The following PTDSS2 variants were observed in gnomAD, a reference collection of about 807,000 sequenced individuals.
PTDSS2 encodes phosphatidylserine synthase 2.
PTDSS2 carries 41 observed loss-of-function variants against 64.7 expected under a neutral mutation model. The observed-to-expected ratio is 0.63, with a 90% CI of 0.49 to 0.82. The LOEUF (loss-of-function observed/expected upper bound fraction) is 0.82. Among genes scored for constraint, PTDSS2 ranks in the 40% least tolerant of loss-of-function variants. The probability of loss-of-function intolerance (pLI) is 0.00; values close to 1 mark genes in which losing one functional copy is unlikely to be tolerated. For missense variants in PTDSS2, 485 were observed against 650.0 expected, an observed-to-expected ratio of 0.75 and a Z score of 2.76; for synonymous variants, 297 against 277.8, an observed-to-expected ratio of 1.07 and a Z score of -0.69.
At chr11:464,452 G>A (rs370596049) in intron 2 of PTDSS2, among the ~76,000 whole-genome samples, 8 of 151,940 alleles carry the variant, frequency 5.3e-5, no homozygotes, top group Non-Finnish European at 7.4e-5. Flanking sequence ...GCCTCACCCC[G>A]GCTCGGGCAG....
intron 4 of PTDSS2, among the ~76,000 whole-genome samples, chr11:484,628 CAG>C (rs1296636237): frequency 1.4e-5 from 2 of 144,768 alleles, no homozygotes; most frequent in African/African-American, 5.2e-5. Flanking sequence ...CATCTGTAAA[CAG>C]TGCATGGGCA....
At position 489,719 on chromosome 11, in the gene PTDSS2, C is replaced by T. The variant is rs1821516999; in HGVS notation, c.1101C>T (p.Asp367=). ...VGGVAMREIY[D]FMDDPKPHKK... ...GCGTGGCCATGCGTGAGATCTACGACTTCATGGATGACCCGTGAGGGCTGC... is the reference window on the plus strand; with the variant it reads ...GCGTGGCCATGCGTGAGATCTACGATTTCATGGATGACCCGTGAGGGCTGC... Residue 367 remains aspartate, a synonymous_variant, in exon 10 of 12, where the codon GAC becomes GAT. Transcript: ENST00000308020. 1.2e-6 allele frequency: 2 copies of T among 1,609,092 alleles called. No individual in the cohort carries two copies. The highest frequency in any genetic ancestry group is 2.7e-5 in the African/African-American group (2 of 74,996).
At chr11:457,586 C>G (rs1473313400) in intron 1 of PTDSS2, among the ~76,000 whole-genome samples, 3 of 152,206 alleles carry the variant, frequency 2.0e-5, no homozygotes, top group Non-Finnish European at 4.4e-5. Flanking sequence ...GCAGCACATT[C>G]CTCTGAGTGC....
At chr11:481,335 T>A (rs1188418142) in intron 4 of PTDSS2, among the ~76,000 whole-genome samples, 1 of 152,198 alleles carries the variant, frequency 6.6e-6, no homozygotes, top group Admixed American at 6.5e-5. Context: ...ATCATCTGGG[T>A]CTCTTGCGTT....
chr11:473,469 G>C (rs928313342), intron 2 of PTDSS2, among the ~76,000 whole-genome samples: 2 of 151,972 alleles, frequency 1.3e-5, no homozygotes, highest in Non-Finnish European at 2.9e-5. Flanking sequence ...TCTGTGTAGA[G>C]CCAGTGTCTT....
At chr11:482,421 C>T (rs1275693465) in intron 4 of PTDSS2, among the ~76,000 whole-genome samples, 2 of 152,120 alleles carry the variant, frequency 1.3e-5, no homozygotes, top group South Asian at 2.1e-4. Flanking sequence ...GGGGTTTCAC[C>T]GTGTTGGCCA....
At chr11:451,101 C>A (rs992714876) in intron 1 of PTDSS2, among the ~76,000 whole-genome samples, 1 of 152,226 alleles carries the variant, frequency 6.6e-6, no homozygotes, top group African/African-American at 2.4e-5. Flanking sequence ...TCTTGTGTGT[C>A]GCGCCCGACC....
rs1195291901 is a variant in PTDSS2 at position 460,929 on chromosome 11, ACG to A, written c.284+647_284+648del. ...ACTCTCCTCTCGCGTTGCTCTTCCG[ACG>A]CGCGCACAGGGTGTGTCTGCCCAGG... On this transcript the variant is annotated intron_variant, in intron 2 of 11. Coordinates refer to ENST00000308020, the MANE Select transcript of PTDSS2 (RefSeq NM_030783.3). The surrounding 1 kb of genome is among the most constrained non-coding windows in gnomAD (Gnocchi z 5.8). 1 of 152,210 alleles carries A rather than the reference ACG, an allele frequency of 6.6e-6. No homozygotes were observed. Among genetic ancestry groups the A allele is most frequent in the African/African-American group, 2.4e-5 (1 of 41,370 alleles). 9.4% of individuals were successfully genotyped at this position (152,210 alleles called of 1,614,324 possible).
intron 1 of PTDSS2, chr11:459,982 G>T: frequency 1.8e-6 from 1 of 560,090 alleles, no homozygotes; most frequent in Non-Finnish European, 3.2e-6. Context: ...CCTCCTGGGG[G>T]CTGGTCTCAG....
intron 2 of PTDSS2, among the ~76,000 whole-genome samples, chr11:472,208 G>A (rs1774887086): frequency 6.6e-6 from 1 of 152,160 alleles, no homozygotes; most frequent in Admixed American, 6.5e-5. Flanking sequence ...TCTGGGGAGG[G>A]TAGGGGGACG....
intron 2 of PTDSS2, among the ~76,000 whole-genome samples, chr11:465,150 G>A (rs1847086547): frequency 6.6e-6 from 1 of 152,174 alleles, no homozygotes; most frequent in Non-Finnish European, 1.5e-5. Flanking sequence ...AATTCTAAAT[G>A]GATTCTAGAT....
chr11:489,817 C>A (rs1277745265), intron 10 of PTDSS2, 66 bp from the exon 11 acceptor site: 3 of 1,550,530 alleles, frequency 1.9e-6, no homozygotes, highest in Non-Finnish European at 2.6e-6. Flanking sequence ...GAGGCCGGAG[C>A]CTGGGCAAGT....
Position 464,279 on chromosome 11 carries a change from G to A in PTDSS2, c.284+3991G>A, listed in dbSNP as rs182946882. Among the ~76,000 whole-genome samples, 31 of 152,258 alleles carry A rather than the reference G, an allele frequency of 2.0e-4. No homozygotes were observed. In the East Asian group the frequency reaches 3.9e-3, roughly 19 times the overall value. On this transcript the variant is annotated intron_variant, in intron 2 of 11. Coordinates refer to ENST00000308020, the MANE Select transcript of PTDSS2 (RefSeq NM_030783.3). ...ATTACAGGCGTGAGCCACTGCGCCCGGCCCCGTTTTGCTTTTCTTGAGTCA... is the reference window on the plus strand; with the variant it reads ...ATTACAGGCGTGAGCCACTGCGCCCAGCCCCGTTTTGCTTTTCTTGAGTCA...
chr11:489,662 C>A lies in PTDSS2; in HGVS notation c.1044C>A (p.Leu348=). ...LWMPPEHYLV[L]LRLVFFVNVG... ...TGCCCCCGGAGCACTACCTGGTCCTCCTGCGGCTCGTCTTCTTCGTGAACG... is the reference window on the plus strand; with the variant it reads ...TGCCCCCGGAGCACTACCTGGTCCTACTGCGGCTCGTCTTCTTCGTGAACG... The change falls in exon 10 of 12, where the codon CTC becomes CTA. Residue 348 remains leucine (L), a synonymous_variant. Coordinates refer to ENST00000308020, the MANE Select transcript of PTDSS2 (RefSeq NM_030783.3). The A allele has an allele frequency of 1.3e-6, 2 of 1,599,160 alleles. No homozygotes were observed. The highest frequency in any genetic ancestry group is 4.5e-5 in the East Asian group (2 of 44,016).
At chr11:455,525 G>A (rs1369437644) in intron 1 of PTDSS2, among the ~76,000 whole-genome samples, 1 of 152,220 alleles carries the variant, frequency 6.6e-6, no homozygotes, top group African/African-American at 2.4e-5. Flanking sequence ...CTCCTACAAG[G>A]TGACCTCGTC....
intron 2 of PTDSS2, among the ~76,000 whole-genome samples, chr11:466,205 G>C (rs1029365271): frequency 1.3e-5 from 2 of 151,974 alleles, no homozygotes; most frequent in Non-Finnish European, 2.9e-5. Flanking sequence ...CTATTAGTCT[G>C]TTTTCATACT....
In PTDSS2 at chr11:477,415, G is replaced by GA. The variant is rs1442853752; in HGVS notation, c.368-1670_368-1669insA. ...ACAAATGAGTGCTGGGGCCTGGGGG[G>GA]TGGCCCTGGGGTCAGGGAGGTGCTG... is the stretch of plus-strand genomic sequence containing the variant. On this transcript the variant is annotated intron_variant, in intron 3 of 11. Coordinates refer to ENST00000308020, the MANE Select transcript of PTDSS2 (RefSeq NM_030783.3). Among the ~76,000 whole-genome samples the GA allele has an allele frequency of 2.6e-5, 4 of 152,278 alleles. No individual in the cohort carries two copies. In the East Asian group the frequency reaches 7.7e-4, roughly 29 times the overall value.
chr11:488,366 G>A (rs1281527125), intron 7 of PTDSS2, 54 bp downstream of exon 7: 18 of 1,485,008 alleles, frequency 1.2e-5, no homozygotes, highest in East Asian at 4.5e-5. Flanking sequence ...GGGCATTCTC[G>A]GAACCCCTGT....
chr11:483,329 G>A lies in PTDSS2; in HGVS notation c.436-3610G>A, dbSNP rs560764734. On this transcript the variant is annotated intron_variant, in intron 4 of 11. Transcript: ENST00000308020. Reference sequence around the variant, plus strand: ...GTGGAGAAGGTTCTGTGAGTTTTTCGTAGATCTCCCTACCGAGTGCAGAAA... The same window carrying A: ...GTGGAGAAGGTTCTGTGAGTTTTTCATAGATCTCCCTACCGAGTGCAGAAA... Among the ~76,000 whole-genome samples the A allele has an allele frequency of 7.8e-5, 11 of 141,386 alleles. No individual in the cohort carries two copies. In the South Asian group the frequency reaches 2.8e-3, roughly 36 times the overall value. 92.8% of individuals were successfully genotyped at this position (141,386 alleles called of 152,430 possible). A position where few individuals can be genotyped will look rare whatever the true frequency, so the allele number is the denominator to read the frequency against.
Sources: allele counts gnomAD v4.1 joint callset (sites outside exome capture counted in the v4.1 genomes callset), GRCh38; gene constraint gnomAD v4.1.1; non-coding constraint Gnocchi (gnomAD v3.1); transcripts MANE v1.5; gene names NCBI Gene and HGNC (gene_info 2026-07-23, HGNC 2026-07-21).